Variants in ERMARD observed in about 807,000 individuals in gnomAD.
The protein encoded by ERMARD is ER membrane associated RNA degradation, also known as endoplasmic reticulum membrane-associated RNA degradation protein.
ERMARD carries 71 observed loss-of-function variants against 83.9 expected under a neutral mutation model. The observed-to-expected ratio is 0.85, with a 90% CI of 0.70 to 1.03. The LOEUF (loss-of-function observed/expected upper bound fraction) is 1.03. ERMARD is among the 50% of genes least tolerant of loss of function. The pLI is 0.00. For missense variants in ERMARD, 838 were observed against 810.9 expected, an observed-to-expected ratio of 1.03 and a Z score of -0.41; for synonymous variants, 284 against 298.6, an observed-to-expected ratio of 0.95 and a Z score of 0.50.
At position 169,776,452 on chromosome 6, in the gene ERMARD, C is replaced by G; in HGVS notation, c.1521-3C>G. On this transcript the variant is annotated splice_region_variant and splice_polypyrimidine_tract_variant and intron_variant, in intron 15 of 17. Transcript: ENST00000366773. ...CCTGCTCCAAGTCTGGCTCTGTTTG[C>G]AGGTGGCCCCAGCTTCTCCGTGAGC... 1.2e-6 allele frequency: 2 copies of G among 1,612,616 alleles called. No individual in the cohort carries two copies. The highest frequency in any genetic ancestry group is 1.7e-6 in the Non-Finnish European group (2 of 1,179,404).
At chr6:169,767,534 TACAC>T (rs1792358824) in intron 10 of ERMARD, 1 of 153,538 alleles carries the variant, frequency 6.5e-6, no homozygotes. Context: ...ATGCTGCATA[TACAC>T]ACACAGGCAT....
intron 9 of ERMARD, among the ~76,000 whole-genome samples, chr6:169,764,534 A>C (rs1021126999): frequency 2.6e-5 from 4 of 151,878 alleles, no homozygotes; most frequent in Admixed American, 6.6e-5. Flanking sequence ...AGCCTTCCAA[A>C]GTTTTGGGAT....
chr6:169,764,437 C>T lies in ERMARD; in HGVS notation c.960+1906C>T, dbSNP rs150489010. ...TGCTACTACACCTGGCTCATTTTTA[C>T]ATTTTTTTTTTCCTTGTAGAGACAG... On this transcript the variant is annotated intron_variant, in intron 9 of 17. Coordinates refer to ENST00000366773, the MANE Select transcript of ERMARD (RefSeq NM_018341.3). Among the ~76,000 whole-genome samples the T allele has an allele frequency of 4.0e-3, 603 of 150,938 alleles. 1 individual carries two copies. The highest frequency in any genetic ancestry group is 5.3e-3 in the Non-Finnish European group (356 of 67,632).
chr6:169,760,424 A>G (rs1791399325), intron 7 of ERMARD, among the ~76,000 whole-genome samples: 1 of 152,128 alleles, frequency 6.6e-6, no homozygotes, highest in African/African-American at 2.4e-5. Flanking sequence ...ACTGTTGCCT[A>G]AGTCACTGAA....
At chr6:169,774,644 C>G (rs1430116609) in intron 13 of ERMARD, among the ~76,000 whole-genome samples, 1 of 152,182 alleles carries the variant, frequency 6.6e-6, no homozygotes, top group African/African-American at 2.4e-5. Flanking sequence ...GCTGTTGATA[C>G]CACCCACGCT....
At chr6:169,775,563 G>A (rs1244253105) in intron 14 of ERMARD, among the ~76,000 whole-genome samples, 2 of 152,242 alleles carry the variant, frequency 1.3e-5, no homozygotes, top group Admixed American at 6.5e-5. Flanking sequence ...TGGAACGAGA[G>A]GCAGGTTTTG....
intron 12 of ERMARD, among the ~76,000 whole-genome samples, chr6:169,772,415 A>G (rs1793048959): frequency 6.6e-6 from 1 of 152,138 alleles, no homozygotes; most frequent in South Asian, 2.1e-4. Context: ...AGGCCAGCAC[A>G]TTTCTTCTGT....
intron 17 of ERMARD, among the ~76,000 whole-genome samples, chr6:169,780,104 C>T (rs773474168): frequency 2.9e-5 from 4 of 139,342 alleles, no homozygotes; most frequent in Non-Finnish European, 6.1e-5. Context: ...TGCATAGACT[C>T]CTGCTGAGAG....
intron 9 of ERMARD, among the ~76,000 whole-genome samples, chr6:169,762,754 T>C (rs973300455): frequency 3.3e-5 from 5 of 152,226 alleles, no homozygotes; most frequent in African/African-American, 1.2e-4. Flanking sequence ...TAAAACTCAA[T>C]GATACCGTGA....
chr6:169,779,914 G>C (rs1376447568), intron 17 of ERMARD, among the ~76,000 whole-genome samples: 2 of 152,192 alleles, frequency 1.3e-5, no homozygotes, highest in African/African-American at 4.8e-5. Flanking sequence ...GGAGGCTTCC[G>C]GGCAGAGGTC....
chr6:169,763,018 A>C (rs949829722), intron 9 of ERMARD, among the ~76,000 whole-genome samples: 2 of 152,124 alleles, frequency 1.3e-5, no homozygotes, highest in African/African-American at 4.8e-5. Flanking sequence ...GAGCCCCTCC[A>C]TGTGTGTACA....
chr6:169,753,566 A>C (rs1790430489), intron 1 of ERMARD, among the ~76,000 whole-genome samples: 1 of 151,996 alleles, frequency 6.6e-6, no homozygotes, highest in Non-Finnish European at 1.5e-5. Context: ...GTGAAAGGCA[A>C]GTTTATTAAG....
intron 9 of ERMARD, among the ~76,000 whole-genome samples, chr6:169,762,757 T>A (rs373589403): frequency 2.6e-5 from 4 of 152,364 alleles, no homozygotes; most frequent in Non-Finnish European, 4.4e-5. Flanking sequence ...AACTCAATGA[T>A]ACCGTGAACG....
intron 1 of ERMARD, among the ~76,000 whole-genome samples, chr6:169,752,201 A>G (rs186144621): frequency 3.6e-4 from 55 of 152,328 alleles, no homozygotes; most frequent in African/African-American, 3.4e-4. Flanking sequence ...TGTCTGGGCG[A>G]CGGCGAGACC....
At chr6:169,773,469 T>C in intron 13 of ERMARD, 67 bp downstream of exon 13, 1 of 1,503,462 alleles carries the variant, frequency 6.7e-7, no homozygotes, top group African/African-American at 1.4e-5. Context: ...TCTGCAGAGA[T>C]GCTGGAAGGG....
chr6:169,760,780 G>A, intron 8 of ERMARD, 24 bp downstream of exon 8: 1 of 1,491,794 alleles, frequency 6.7e-7, no homozygotes, highest in Non-Finnish European at 9.3e-7. Flanking sequence ...ACATGGCAGA[G>A]TGGTTTGCAG....
chr6:169,780,639 G>A (rs1039094589), intron 17 of ERMARD, among the ~76,000 whole-genome samples: 1 of 152,216 alleles, frequency 6.6e-6, no homozygotes, highest in Non-Finnish European at 1.5e-5. Context: ...TGAGGAGGGG[G>A]AGGGCACGCT....
chr6:169,760,515 C>G (rs369638169), intron 7 of ERMARD, 127 bp from the exon 8 acceptor site: 20 of 658,558 alleles, frequency 3.0e-5, no homozygotes, highest in Non-Finnish European at 5.2e-5. Flanking sequence ...TAACAAGTCC[C>G]CTGCTGCAGG....
At chr6:169,763,159 A>G (rs1791767895) in intron 9 of ERMARD, among the ~76,000 whole-genome samples, 1 of 152,140 alleles carries the variant, frequency 6.6e-6, no homozygotes, top group Non-Finnish European at 1.5e-5. Flanking sequence ...CCTTTTTAGT[A>G]GTTATGATAA....
Sources: gnomAD v4.1 joint callset for allele counts (sites outside exome capture counted in the v4.1 genomes callset) on GRCh38, gnomAD v4.1.1 for gene constraint, MANE v1.5 for transcripts, NCBI Gene and HGNC (gene_info 2026-07-23, HGNC 2026-07-21) for gene names.